CARS1: variants seen among roughly 807,000 people sequenced by gnomAD.
The protein encoded by CARS1 is cysteine--tRNA ligase, cytoplasmic.
A neutral mutation model predicts 106.2 loss-of-function variants in CARS1; 48 were observed. The observed-to-expected ratio is 0.45, with a 90% CI of 0.36 to 0.57. The LOEUF is 0.57. Among genes scored for constraint, CARS1 ranks in the 20% least tolerant of loss-of-function variants. The pLI is 0.00. For synonymous variants in CARS1, 409 were observed against 403.4 expected, an observed-to-expected ratio of 1.01 and a Z score of -0.17; for missense variants, 968 against 1,057.2, an observed-to-expected ratio of 0.92 and a Z score of 1.17.
At chr11:3,057,196 CGCCCCTCAGACCACGGACACAGCT>C (rs1277399458) in intron 1 of CARS1, 123 bp downstream of exon 1, 3 of 707,158 alleles carry the variant, frequency 4.2e-6, no homozygotes, top group Non-Finnish European at 4.9e-6. Flanking sequence ...CGGGCACTGC[CGCCCCTCAGACCACGGACACAGCT>C]GCCCCTCAGA....
At chr11:3,018,124 C>G in intron 14 of CARS1, 170 bp from the exon 15 acceptor site, 1 of 620,342 alleles carries the variant, frequency 1.6e-6, no homozygotes, top group Non-Finnish European at 2.8e-6. Context: ...GAAACATGCT[C>G]TTGCTTTAGG....
rs1443098291 is a variant in CARS1, at chr11:3,053,128, T to C, written c.25+4215A>G. 2.0e-5 allele frequency among the ~76,000 whole-genome samples: 3 copies of C among 152,248 alleles called. No individual in the cohort carries two copies. The highest frequency in any genetic ancestry group is 4.4e-5 in the Non-Finnish European group (3 of 68,044). On this transcript the variant is annotated intron_variant, in intron 1 of 22. Coordinates refer to ENST00000380525, the MANE Select transcript of CARS1 (RefSeq NM_001014437.3). The surrounding 1 kb of genome is among the most constrained non-coding windows in gnomAD (Gnocchi z 6.6). ...GATACCAAAACAAAGCCACACCAAA[T>C]GAACAACAACCCTGACACGTCAAAC...
rs1322559971 is a variant in CARS1, at chr11:3,045,441, T to G, written c.274+2312A>C. On this transcript the variant is annotated intron_variant, in intron 2 of 22. Coordinates refer to ENST00000380525, the MANE Select transcript of CARS1 (RefSeq NM_001014437.3). The surrounding 1 kb of genome is among the most constrained non-coding windows in gnomAD (Gnocchi z 5.6). Reference sequence around the variant, plus strand: ...CATCACGCCCGGCTAATTTTTTGTATTTTTAGTAGAGACAGGTTGTCACCG... The same window carrying G: ...CATCACGCCCGGCTAATTTTTTGTAGTTTTAGTAGAGACAGGTTGTCACCG... 1.3e-5 allele frequency among the ~76,000 whole-genome samples: 2 copies of G among 152,140 alleles called. No individual in the cohort carries two copies. Among genetic ancestry groups the G allele is most frequent in the African/African-American group, 2.4e-5 (1 of 41,438 alleles).
chr11:3,018,994 A>G lies in CARS1; in HGVS notation c.1395+145T>C. 4.6e-6 allele frequency: 5 copies of G among 1,078,864 alleles called. No individual in the cohort carries two copies. The South Asian group carries it at 8.1e-5, about 17-fold the overall frequency. 66.8% of individuals were successfully genotyped at this position (1,078,864 alleles called of 1,614,324 possible). ...AATGCGGAAACCACACTAAATGATC[A>G]GGGTTCAGATTCCACCCACAAGCCC... On this transcript the variant is annotated intron_variant, in intron 12 of 22. Coordinates refer to ENST00000380525, the MANE Select transcript of CARS1 (RefSeq NM_001014437.3).
In CARS1 at chr11:3,002,706, G is replaced by A. The variant is rs1042390416; in HGVS notation, c.2218-106C>T. 15 of 1,556,686 alleles carry A rather than the reference G, an allele frequency of 9.6e-6. No individual in the cohort carries two copies. The African/African-American group carries it at 1.9e-4, about 20-fold the overall frequency. Reference sequence around the variant, plus strand: ...AAGCCCCTCTCCTAGGGCCTGGCATGGAGGGCTGAACTCTGACCAGGCCCT... The same window carrying A: ...AAGCCCCTCTCCTAGGGCCTGGCATAGAGGGCTGAACTCTGACCAGGCCCT... On this transcript the variant is annotated intron_variant, in intron 20 of 22. Coordinates refer to ENST00000380525, the MANE Select transcript of CARS1 (RefSeq NM_001014437.3).
In CARS1 at chr11:3,047,991, G is replaced by C. The variant is rs1229873608; in HGVS notation, c.36C>G (p.Tyr12Ter). Residue 12 changes from tyrosine to a stop codon, truncating the protein, a stop_gained, in exon 2 of 23, where the codon TAC (tyrosine) becomes TAG (stop). Coordinates refer to ENST00000380525, the MANE Select transcript of CARS1 (RefSeq NM_001014437.3). LOFTEE classifies it high-confidence loss of function. The part of the protein sequence containing the change: ...ADSSGQQAPD[Y>*]RSILSISDEA... ...CGTCACTAATGCTCAGAATGGACCT[G>C]TAGTCAGGAGCTGCAAAGACAGAGG... The C allele has an allele frequency of 6.8e-6, 11 of 1,613,292 alleles. No homozygotes were observed. Among genetic ancestry groups the C allele is most frequent in the Non-Finnish European group, 9.3e-6 (11 of 1,179,518 alleles).
At chr11:3,051,922 C>T (rs571468170) in intron 1 of CARS1, among the ~76,000 whole-genome samples, 1 of 152,344 alleles carries the variant, frequency 6.6e-6, no homozygotes, top group East Asian at 1.9e-4. Context: ...CCAGCTGAGA[C>T]AGCGAGCTGA....
intron 10 of CARS1, among the ~76,000 whole-genome samples, chr11:3,023,603 C>T (rs1851776335): frequency 6.6e-6 from 1 of 152,132 alleles, no homozygotes; most frequent in Non-Finnish European, 1.5e-5. Context: ...CTACATTGCC[C>T]ACGATGGTCT....
Position 3,040,669 on chromosome 11 carries a change from T to C in CARS1, c.455+227A>G, listed in dbSNP as rs1187122372. On this transcript the variant is annotated intron_variant, in intron 4 of 22. Transcript: ENST00000380525. The surrounding 1 kb of genome is among the most constrained non-coding windows in gnomAD (Gnocchi z 5.8). ...GTTAGCAGTGGGGCTATGGACATTT[T>C]CTTTTTGGTGATCTGTAGTCTTTCT... 2 of 691,490 alleles carry C rather than the reference T, an allele frequency of 2.9e-6. No individual in the cohort carries two copies. The highest frequency in any genetic ancestry group is 2.8e-5 in the East Asian group (1 of 36,216). The allele number at this position is 691,490 out of a possible 1,614,324, so 42.8% of individuals were successfully genotyped here.
At chr11:3,049,142 T>A (rs1189478913) in intron 1 of CARS1, among the ~76,000 whole-genome samples, 1 of 152,072 alleles carries the variant, frequency 6.6e-6, no homozygotes, top group Non-Finnish European at 1.5e-5. Flanking sequence ...AGAGACAGCG[T>A]CTGACTCTAC....
intron 2 of CARS1, among the ~76,000 whole-genome samples, chr11:3,042,877 C>T (rs1854664141): frequency 1.3e-5 from 2 of 152,234 alleles, no homozygotes; most frequent in African/African-American, 2.4e-5. Flanking sequence ...AAAGGACCCC[C>T]TGTGGCCACG....
At position 3,053,809 on chromosome 11, in the gene CARS1, C is replaced by T. The variant is rs1347748990; in HGVS notation, c.25+3534G>A. On this transcript the variant is annotated intron_variant, in intron 1 of 22. Coordinates refer to ENST00000380525, the MANE Select transcript of CARS1 (RefSeq NM_001014437.3). This position sits in a 1 kb window ranked among gnomAD's most constrained non-coding sequence, Gnocchi z 6.6. Reference sequence around the variant, plus strand: ...AGGTCTGAGCTCCTAATAAGTGCCCCGGTTTGGTGGGGGTCTGCACCCCTC... The same window carrying T: ...AGGTCTGAGCTCCTAATAAGTGCCCTGGTTTGGTGGGGGTCTGCACCCCTC... 6.6e-6 allele frequency among the ~76,000 whole-genome samples: 1 copy of T among 152,166 alleles called. No individual in the cohort carries two copies. Among genetic ancestry groups the T allele is most frequent in the African/African-American group, 2.4e-5 (1 of 41,440 alleles).
Position 3,052,130 on chromosome 11 carries a change from G to A in CARS1, c.26-4129C>T, listed in dbSNP as rs950227059. On this transcript the variant is annotated intron_variant, in intron 1 of 22. Coordinates refer to ENST00000380525, the MANE Select transcript of CARS1 (RefSeq NM_001014437.3). This position sits in a 1 kb window ranked among gnomAD's most constrained non-coding sequence, Gnocchi z 4.6. ...GAAAAACATCAAATGTCCTAACGGCGGCTGCAGTGGCTTTTGAGCGCTGAG... is the reference window on the plus strand; with the variant it reads ...GAAAAACATCAAATGTCCTAACGGCAGCTGCAGTGGCTTTTGAGCGCTGAG... Among the ~76,000 whole-genome samples the A allele has an allele frequency of 1.3e-4, 20 of 152,354 alleles. No individual in the cohort carries two copies. Among genetic ancestry groups the A allele is most frequent in the Admixed American group, 3.3e-4 (5 of 15,310 alleles).
rs574850642 is a variant in CARS1 at position 3,020,829 on chromosome 11, T to C, written c.1154-497A>G. ...AGGATGCAGCTAAGCTGCTGTGTAC[T>C]ACTGCAGGGAACCTGGTGGCAGTGC... On this transcript the variant is annotated intron_variant, in intron 10 of 22. Transcript: ENST00000380525. The surrounding 1 kb of genome is among the most constrained non-coding windows in gnomAD (Gnocchi z 4.6). Among the ~76,000 whole-genome samples, 6 of 152,330 alleles carry C rather than the reference T, an allele frequency of 3.9e-5. No individual in the cohort carries two copies. The highest frequency in any genetic ancestry group is 2.0e-4 in the Admixed American group (3 of 15,298).
chr11:3,012,134 C>T lies in CARS1; in HGVS notation c.2068+61G>A, dbSNP rs562416317. On this transcript the variant is annotated intron_variant, in intron 18 of 22. Transcript: ENST00000380525. ...GCCATAGTGCCTCGGGGGAGACGCC[C>T]GGTCCGGGGAGCCCAGTGAGGGGAG... 1.5e-5 allele frequency: 22 copies of T among 1,462,396 alleles called. No individual in the cohort carries two copies. In the East Asian group the frequency reaches 1.6e-4, roughly 11 times the overall value. 90.6% of individuals were successfully genotyped at this position (1,462,396 alleles called of 1,614,324 possible). A position where few individuals can be genotyped will look rare whatever the true frequency, so the allele number is the denominator to read the frequency against.
rs541627946 is a variant in CARS1, at chr11:3,052,902, C to T, written c.25+4441G>A. Among the ~76,000 whole-genome samples the T allele has an allele frequency of 3.5e-4, 54 of 152,344 alleles. No individual in the cohort carries two copies. The highest frequency in any genetic ancestry group is 1.1e-3 in the African/African-American group (47 of 41,592). ...ACTGGCCCTCATCGTAGAGCCTGCA[C>T]GCTCCGTGCCGAAACTCCTGCTCTG... On this transcript the variant is annotated intron_variant, in intron 1 of 22. Coordinates refer to ENST00000380525, the MANE Select transcript of CARS1 (RefSeq NM_001014437.3). The surrounding 1 kb of genome is among the most constrained non-coding windows in gnomAD (Gnocchi z 4.6).
At position 3,044,164 on chromosome 11, in the gene CARS1, G is replaced by A. The variant is rs1854834867; in HGVS notation, c.275-1908C>T. Among the ~76,000 whole-genome samples, 1 of 152,110 alleles carries A rather than the reference G, an allele frequency of 6.6e-6. No individual in the cohort carries two copies. Among genetic ancestry groups the A allele is most frequent in the Non-Finnish European group, 1.5e-5 (1 of 68,034 alleles). ...GCCATCTCAGACAGCTGGAGACGCTGCCCAGAAACACAGCCATGAGGCCAC... is the reference window on the plus strand; with the variant it reads ...GCCATCTCAGACAGCTGGAGACGCTACCCAGAAACACAGCCATGAGGCCAC... On this transcript the variant is annotated intron_variant, in intron 2 of 22. Coordinates refer to ENST00000380525, the MANE Select transcript of CARS1 (RefSeq NM_001014437.3). This position sits in a 1 kb window ranked among gnomAD's most constrained non-coding sequence, Gnocchi z 4.4.
At chr11:3,013,059 T>G (rs1850646869) in intron 17 of CARS1, among the ~76,000 whole-genome samples, 1 of 150,168 alleles carries the variant, frequency 6.7e-6, no homozygotes, top group Non-Finnish European at 1.5e-5. Flanking sequence ...CTGGCTAATT[T>G]TTGTATTTTC....
intron 17 of CARS1, among the ~76,000 whole-genome samples, chr11:3,012,558 A>T (rs1850587785): frequency 6.6e-6 from 1 of 152,222 alleles, no homozygotes; most frequent in African/African-American, 2.4e-5. Flanking sequence ...CCAGCTGCTG[A>T]CAGGCCCTGC....
Sources: allele counts gnomAD v4.1 joint callset (sites outside exome capture counted in the v4.1 genomes callset), GRCh38; gene constraint gnomAD v4.1.1; non-coding constraint Gnocchi (gnomAD v3.1); transcripts MANE v1.5; gene names NCBI Gene and HGNC (gene_info 2026-07-23, HGNC 2026-07-21).